COL10A1: variants seen among roughly 807,000 people sequenced by gnomAD.
COL10A1 encodes collagen type X alpha 1 chain.
Under a neutral mutation model 18.2 loss-of-function variants are expected in COL10A1, and 10 were observed. That is an observed-to-expected ratio of 0.55 (90% confidence interval 0.34 to 0.93). The LOEUF is 0.93. COL10A1 is among the 40% of genes least tolerant of loss of function. COL10A1 has a pLI of 0.02. For synonymous variants in COL10A1, 330 were observed against 316.6 expected (o/e 1.04, Z -0.45); for missense variants, 897 against 853.5 (o/e 1.05, Z -0.64).
chr6:116,183,435 G>A, the COL10A1 span, among the ~76,000 whole-genome samples: 1 of 151,872 alleles, frequency 6.6e-6, no homozygotes, highest in East Asian at 1.9e-4. Flanking sequence ...TGATGGGAAT[G>A]GCATTGAATC....
intron 1 of COL10A1, among the ~76,000 whole-genome samples, chr6:116,144,777 A>G (rs901862669): frequency 1.3e-5 from 2 of 152,162 alleles, no homozygotes; most frequent in Non-Finnish European, 2.9e-5. Flanking sequence ...TGGTGAGCCA[A>G]TGGTATTTGT....
the COL10A1 span, among the ~76,000 whole-genome samples, chr6:116,200,597 T>C: frequency 6.6e-6 from 1 of 152,060 alleles, no homozygotes; most frequent in Admixed American, 6.6e-5. Context: ...GACACTATTA[T>C]AAGTAATGGT....
At chr6:116,215,492 G>A in the COL10A1 span, among the ~76,000 whole-genome samples, 1 of 151,978 alleles carries the variant, frequency 6.6e-6, no homozygotes, top group Non-Finnish European at 1.5e-5. Context: ...TCACCTTGTC[G>A]ACTTTACAGC....
chr6:116,149,092 A>G (rs1779969189), intron 1 of COL10A1, among the ~76,000 whole-genome samples: 1 of 152,152 alleles, frequency 6.6e-6, no homozygotes, highest in Non-Finnish European at 1.5e-5. Context: ...TGCATAATTC[A>G]TGGATAAATT....
chr6:116,163,568 C>A (rs1780395802), upstream of COL10A1, among the ~76,000 whole-genome samples: 1 of 151,846 alleles, frequency 6.6e-6, no homozygotes, highest in Non-Finnish European at 1.5e-5. Context: ...CTTAAACAAC[C>A]AACTTTTGGC....
At chr6:116,156,706 C>A (rs1448314241) in intron 1 of COL10A1, among the ~76,000 whole-genome samples, 1 of 152,156 alleles carries the variant, frequency 6.6e-6, no homozygotes, top group Non-Finnish European at 1.5e-5. Flanking sequence ...ATTGTACTTT[C>A]ATAATATTTG....
Position 116,119,809 on chromosome 6 carries a change from T to C in COL10A1, c.*264A>G, listed in dbSNP as rs1347621060. 3 of 393,152 alleles carry C rather than the reference T, an allele frequency of 7.6e-6. No individual in the cohort carries two copies. In the East Asian group the frequency reaches 1.2e-4, roughly 16 times the overall value. 24.4% of individuals were successfully genotyped at this position (393,152 alleles called of 1,614,324 possible). The stretch of plus-strand genomic sequence containing the variant: ...TGTTTGTTTTTAACATAGCAGGACT[T>C]CTTTGGTGATATTTTTTAATATTGG... On this transcript the variant is annotated 3_prime_UTR_variant, in exon 3 of 3. Coordinates refer to ENST00000651968, the MANE Select transcript of COL10A1 (RefSeq NM_000493.4).
intron 1 of COL10A1, among the ~76,000 whole-genome samples, chr6:116,135,228 G>A (rs1281239527): frequency 6.6e-6 from 1 of 152,120 alleles, no homozygotes; most frequent in Admixed American, 6.6e-5. Flanking sequence ...CTTAAAGGGG[G>A]AAGATGTTAT....
chr6:116,134,744 G>A (rs1340739229), intron 1 of COL10A1, among the ~76,000 whole-genome samples: 7 of 152,136 alleles, frequency 4.6e-5, no homozygotes, highest in Non-Finnish European at 8.8e-5. Context: ...AAATAACCGT[G>A]GTTGCTGTTC....
At position 116,141,489 on chromosome 6, in the gene COL10A1, T is replaced by G. The variant is rs539128630; in HGVS notation, c.-15-15982A>C. 2.6e-3 allele frequency among the ~76,000 whole-genome samples: 393 copies of G among 152,172 alleles called. 10 individuals are homozygous for G. In the South Asian group the frequency reaches 0.043, roughly 17 times the overall value. On this transcript the variant is annotated intron_variant, in intron 1 of 1. Coordinates refer to the COL10A1 transcript ENST00000418500. The stretch of plus-strand genomic sequence containing the variant: ...ACTTACATTGTTCTTTTCCCAACTT[T>G]CCAGTGGGACTCCAAGTCATTGTAT...
intron 1 of COL10A1, among the ~76,000 whole-genome samples, chr6:116,148,635 T>G (rs1779956156): frequency 6.6e-6 from 1 of 152,198 alleles, no homozygotes; most frequent in South Asian, 2.1e-4. Context: ...TTTTTTTGGT[T>G]AAGAAATGAC....
At chr6:116,137,605 C>T (rs963917687) in intron 1 of COL10A1, 3 of 213,886 alleles carry the variant, frequency 1.4e-5, no homozygotes, top group Admixed American at 4.1e-5. Context: ...ACTGGATCCC[C>T]GTGCCTCAGT....
At chr6:116,159,313 A>G (rs954815934), upstream of COL10A1, among the ~76,000 whole-genome samples, 1 of 152,176 alleles carries the variant, frequency 6.6e-6, no homozygotes, top group Non-Finnish European at 1.5e-5. Flanking sequence ...TTCTTTTTCC[A>G]TAAAGAGAAA....
At chr6:116,169,376 T>C in the COL10A1 span, among the ~76,000 whole-genome samples, 215 of 152,362 alleles carry the variant, frequency 1.4e-3, 3 homozygotes, top group East Asian at 0.037. Flanking sequence ...CATGTTATAG[T>C]TTCCAGTTTA....
At chr6:116,169,005 GTT>G in the COL10A1 span, among the ~76,000 whole-genome samples, 344 of 152,282 alleles carry the variant, frequency 2.3e-3, 2 homozygotes, top group African/African-American at 8.1e-3. Flanking sequence ...ACCCTGGAGA[GTT>G]TATTAGCCTC....
intron 1 of COL10A1, among the ~76,000 whole-genome samples, chr6:116,154,327 G>T (rs142389891): frequency 2.0e-5 from 3 of 152,082 alleles, no homozygotes; most frequent in Admixed American, 2.0e-4. Context: ...CTGAGGCCGG[G>T]ATTTCTTTCT....
intron 2 of COL10A1, 74 bp downstream of exon 2, chr6:116,125,265 G>C (rs1779260457): frequency 6.5e-7 from 1 of 1,532,422 alleles, no homozygotes; most frequent in South Asian, 1.2e-5. Context: ...AATGCATTTT[G>C]TTAAAGAGAT....
chr6:116,141,471 T>C (rs1035985070), intron 1 of COL10A1, among the ~76,000 whole-genome samples: 1 of 152,076 alleles, frequency 6.6e-6, no homozygotes, highest in African/African-American at 2.4e-5. Flanking sequence ...ATTACTTACA[T>C]TGTTCTTTTC....
the COL10A1 span, among the ~76,000 whole-genome samples, chr6:116,168,083 CTT>C: frequency 3.7e-3 from 435 of 118,970 alleles, 3 homozygotes; most frequent in African/African-American, 0.011. Context: ...TACCTGGTGT[CTT>C]TTTTTTTTTT....
Sources: gnomAD v4.1 joint callset for allele counts (sites outside exome capture counted in the v4.1 genomes callset) on GRCh38, gnomAD v4.1.1 for gene constraint, MANE v1.5 for transcripts, NCBI Gene and HGNC (gene_info 2026-07-23, HGNC 2026-07-21) for gene names.